PCCA: variants seen among roughly 807,000 people sequenced by gnomAD.
PCCA encodes propionyl-CoA carboxylase subunit alpha, also known as propionyl-CoA carboxylase alpha chain, mitochondrial.
A neutral mutation model predicts 101.3 loss-of-function variants in PCCA; 74 were observed. The observed-to-expected ratio is 0.73, with a 90% CI of 0.61 to 0.89. The LOEUF (loss-of-function observed/expected upper bound fraction) is 0.89. PCCA is among the 40% of genes least tolerant of loss of function. PCCA has a pLI of 0.00. For synonymous variants in PCCA, 294 were observed against 313.6 expected, an observed-to-expected ratio of 0.94 and a Z score of 0.66; for missense variants, 891 against 907.0, an observed-to-expected ratio of 0.98 and a Z score of 0.23.
chr13:100,306,561 G>A (rs2066467922), intron 14 of PCCA, among the ~76,000 whole-genome samples: 1 of 152,110 alleles, frequency 6.6e-6, no homozygotes, highest in Non-Finnish European at 1.5e-5. Flanking sequence ...ACAGCAATCA[G>A]CCTCTTCAAA....
chr13:100,276,858 A>G (rs1252308792), intron 12 of PCCA, among the ~76,000 whole-genome samples: 1 of 152,114 alleles, frequency 6.6e-6, no homozygotes, highest in Non-Finnish European at 1.5e-5. Flanking sequence ...ATGTCTGATA[A>G]TGTTGACATG....
At chr13:100,235,290 A>G (rs2060725449) in intron 7 of PCCA, among the ~76,000 whole-genome samples, 1 of 151,620 alleles carries the variant, frequency 6.6e-6, no homozygotes, top group Admixed American at 6.6e-5. Flanking sequence ...AAAAAAAAAA[A>G]AAGAAAGAAA....
intron 1 of PCCA, among the ~76,000 whole-genome samples, chr13:100,090,892 C>T (rs570554285): frequency 3.1e-4 from 47 of 152,296 alleles, no homozygotes; most frequent in Non-Finnish European, 5.7e-4. Flanking sequence ...AGAACCTGTG[C>T]TCTTAATCAT....
intron 4 of PCCA, among the ~76,000 whole-genome samples, chr13:100,113,432 A>G (rs1004402314): frequency 6.6e-6 from 1 of 152,182 alleles, no homozygotes; most frequent in Non-Finnish European, 1.5e-5. Flanking sequence ...TACCGTCACT[A>G]CTATAGACTT....
chr13:100,410,630 ACT>A (rs988820720), intron 19 of PCCA, among the ~76,000 whole-genome samples: 5 of 152,070 alleles, frequency 3.3e-5, no homozygotes, highest in African/African-American at 7.2e-5. Flanking sequence ...CTTGCACACC[ACT>A]GTTTTTATTC....
At chr13:100,515,383 T>G in intron 21 of PCCA, 44 bp from the exon 22 acceptor site, 1 of 1,590,206 alleles carries the variant, frequency 6.3e-7, no homozygotes, top group Non-Finnish European at 8.6e-7. Context: ...TGAGGAAAAT[T>G]TCATTTAAAC....
At chr13:100,152,821 G>C (rs1439460594) in intron 4 of PCCA, among the ~76,000 whole-genome samples, 1 of 152,064 alleles carries the variant, frequency 6.6e-6, no homozygotes, top group Non-Finnish European at 1.5e-5. Flanking sequence ...AAAACAAAAG[G>C]GTGAAAATTA....
At chr13:100,381,384 G>C (rs1423714181) in intron 19 of PCCA, among the ~76,000 whole-genome samples, 3 of 143,418 alleles carry the variant, frequency 2.1e-5, no homozygotes, top group African/African-American at 7.9e-5. Flanking sequence ...GCGAGACTCC[G>C]TCTCAAAAAA....
chr13:100,421,932 G>A (rs182864855), intron 19 of PCCA, among the ~76,000 whole-genome samples: 6 of 152,098 alleles, frequency 3.9e-5, no homozygotes, highest in East Asian at 1.9e-4. Context: ...TGATCCGCCC[G>A]CCTCGGCCTC....
At chr13:100,401,887 A>G (rs2077385860) in intron 19 of PCCA, among the ~76,000 whole-genome samples, 1 of 151,966 alleles carries the variant, frequency 6.6e-6, no homozygotes. Flanking sequence ...TTTTTTTTGT[A>G]GACGTGAAAG....
chr13:100,110,870 C>T lies in PCCA; in HGVS notation c.184-971C>T, dbSNP rs143453336. On this transcript the variant is annotated intron_variant, in intron 2 of 23. Coordinates refer to ENST00000376285, the MANE Select transcript of PCCA (RefSeq NM_000282.4). ...TCACCCAGGCTGGAGTGCAGTGGCA[C>T]GATTTTAGCTCACTGCAACCTCCGC... is the stretch of plus-strand genomic sequence containing the variant. 3.1e-3 allele frequency among the ~76,000 whole-genome samples: 473 copies of T among 152,032 alleles called. 1 individual carries two copies. The highest frequency in any genetic ancestry group is 0.01 in the African/African-American group (434 of 41,460).
chr13:100,247,220 T>TG (rs2061488923), intron 8 of PCCA, among the ~76,000 whole-genome samples: 1 of 146,478 alleles, frequency 6.8e-6, no homozygotes, highest in Non-Finnish European at 1.5e-5. Flanking sequence ...TGTGGGTTTT[T>TG]TTTTTTTTTT....
chr13:100,232,011 A>G (rs561619083), intron 7 of PCCA, among the ~76,000 whole-genome samples: 1 of 152,034 alleles, frequency 6.6e-6, no homozygotes, highest in South Asian at 2.1e-4. Context: ...CCCCGCCCCC[A>G]GTATATACTT....
Position 100,496,171 on chromosome 13 carries a change from A to C in PCCA, c.1900-19256A>C, listed in dbSNP as rs141265662. 3.1e-4 allele frequency among the ~76,000 whole-genome samples: 47 copies of C among 152,360 alleles called. No individual in the cohort carries two copies. The East Asian group carries it at 5.2e-3, about 17-fold the overall frequency. ...AAACAGCACCATTGTCTTATCTACAAACCTTTCAAATTTTGCCAGTTTTCC... is the reference window on the plus strand; with the variant it reads ...AAACAGCACCATTGTCTTATCTACACACCTTTCAAATTTTGCCAGTTTTCC... On this transcript the variant is annotated intron_variant, in intron 21 of 23. Coordinates refer to ENST00000376285, the MANE Select transcript of PCCA (RefSeq NM_000282.4).
At chr13:100,315,152 T>C (rs1166293952) in intron 16 of PCCA, among the ~76,000 whole-genome samples, 2 of 152,044 alleles carry the variant, frequency 1.3e-5, no homozygotes, top group African/African-American at 4.8e-5. Context: ...TAAGATGTTA[T>C]CATTTGTAGA....
intron 21 of PCCA, among the ~76,000 whole-genome samples, chr13:100,449,679 G>A (rs1266362250): frequency 6.6e-6 from 1 of 152,120 alleles, no homozygotes; most frequent in East Asian, 1.9e-4. Flanking sequence ...TTCTAAAGAT[G>A]AGGTTTCACC....
At chr13:100,417,710 G>A (rs191421942) in intron 19 of PCCA, among the ~76,000 whole-genome samples, 223 of 152,164 alleles carry the variant, frequency 1.5e-3, no homozygotes, top group African/African-American at 5.2e-3. Context: ...CTGCCTCCCA[G>A]CCCCTTCCAC....
At chr13:100,257,479 AC>A (rs1376723275) in intron 8 of PCCA, 115 bp from the exon 9 acceptor site, 25 of 778,200 alleles carry the variant, frequency 3.2e-5, no homozygotes, top group Non-Finnish European at 5.4e-5. Flanking sequence ...AAAGAAAGGA[AC>A]TTTTAAATAA....
chr13:100,284,066 T>C (rs943792062), intron 12 of PCCA, among the ~76,000 whole-genome samples: 6 of 152,210 alleles, frequency 3.9e-5, no homozygotes, highest in African/African-American at 1.2e-4. Context: ...GAAATTGACT[T>C]CCTCCTGGAC....
Sources: allele counts gnomAD v4.1 joint callset (sites outside exome capture counted in the v4.1 genomes callset), GRCh38; gene constraint gnomAD v4.1.1; transcripts MANE v1.5; gene names NCBI Gene and HGNC (gene_info 2026-07-23, HGNC 2026-07-21).